The following STK36 variants were observed in gnomAD, a reference collection of about 807,000 sequenced individuals.
The protein encoded by STK36 is serine/threonine kinase 36.
A neutral mutation model predicts 142.2 loss-of-function variants in STK36; 116 were observed. The ratio of observed to expected loss-of-function variants is 0.82; its 90% CI spans 0.70 to 0.95. STK36 has a LOEUF of 0.95. Among genes scored for constraint, STK36 ranks in the 40% least tolerant of loss-of-function variants. The pLI, the probability that STK36 is intolerant of heterozygous loss-of-function variation, is 0.00. For synonymous variants in STK36, 619 were observed against 641.7 expected (o/e 0.96, Z 0.53); for missense variants, 1,422 against 1,617.2 (o/e 0.88, Z 2.07).
At chr2:218,700,268 A>G (rs1427926846) in intron 26 of STK36, among the ~76,000 whole-genome samples, 1 of 152,030 alleles carries the variant, frequency 6.6e-6, no homozygotes, top group Non-Finnish European at 1.5e-5. Context: ...CAGTGGCGCA[A>G]TCTCAGCTCA....
At chr2:218,677,680 T>A (rs1940317393) in intron 6 of STK36, among the ~76,000 whole-genome samples, 1 of 152,226 alleles carries the variant, frequency 6.6e-6, no homozygotes, top group South Asian at 2.1e-4. Context: ...TGGTGAGAGC[T>A]GGTGGAGCTG....
Position 218,698,530 on chromosome 2 carries a change from C to A in STK36, c.3058-72C>A, listed in dbSNP as rs571560205. The A allele has an allele frequency of 7.9e-5, 122 of 1,538,892 alleles. 1 individual carries two copies. In the East Asian group the frequency reaches 2.6e-3, roughly 33 times the overall value. On this transcript the variant is annotated intron_variant, in intron 25 of 26. Coordinates refer to ENST00000295709, the MANE Select transcript of STK36 (RefSeq NM_015690.5). Reference sequence around the variant, plus strand: ...ACCATAGCTTGGCTTTTCTCTCTCCCAGGTTTTGGGCTTCTTTATAGCTGC... The same window carrying A: ...ACCATAGCTTGGCTTTTCTCTCTCCAAGGTTTTGGGCTTCTTTATAGCTGC...
chr2:218,696,084 G>T (rs1316491432), intron 21 of STK36, among the ~76,000 whole-genome samples: 1 of 151,064 alleles, frequency 6.6e-6, no homozygotes, highest in African/African-American at 2.4e-5. Flanking sequence ...GGCTGGTCTG[G>T]AACTCCTGAC....
intron 13 of STK36, 61 bp from the exon 14 acceptor site, chr2:218,690,389 T>C: frequency 7.1e-7 from 1 of 1,402,332 alleles, no homozygotes; most frequent in Non-Finnish European, 1.0e-6. Context: ...ACTGACCCAT[T>C]CACCACATCC....
At chr2:218,676,368 G>T (rs1392226780) in intron 6 of STK36, 90 bp downstream of exon 6, 2 of 1,508,644 alleles carry the variant, frequency 1.3e-6, no homozygotes, top group South Asian at 2.6e-5. Context: ...TTCCAGAGCT[G>T]AGGCGGGACT....
intron 21 of STK36, among the ~76,000 whole-genome samples, chr2:218,695,557 G>A (rs1941201699): frequency 2.0e-5 from 2 of 100,778 alleles, no homozygotes; most frequent in African/African-American, 5.2e-5. Context: ...TTTTTGAGAC[G>A]GAGTCTTATT....
At chr2:218,680,499 G>A (rs1940467872) in intron 9 of STK36, 104 bp from the exon 10 acceptor site, 2 of 924,810 alleles carry the variant, frequency 2.2e-6, no homozygotes, top group South Asian at 3.1e-5. Context: ...ATCCTATATG[G>A]CTTCTTTCTC....
Position 218,676,231 on chromosome 2 carries a change from C to G in STK36, c.637C>G (p.Leu213Val). Residue 213 changes from leucine (L) to valine (V), a missense_variant, in exon 6 of 27, where the codon CTC (leucine) becomes GTC (valine). By Grantham distance (32) the Leu-to-Val change is conservative. Around this residue, in one of 2 missense-constraint regions of STK36, gnomAD observed 460 missense variants for 449.6 expected, o/e 1.02. Transcript: ENST00000295709. ...TSIFQLVSLI[L>V]KDPVRWPSTI... ...CATCTTTCAGCTGGTCAGCCTCATTCTCAAGGACCCTGTGCGCTGGCCCTC... is the reference window on the plus strand; with the variant it reads ...CATCTTTCAGCTGGTCAGCCTCATTGTCAAGGACCCTGTGCGCTGGCCCTC... 1 of 1,614,220 alleles carries G rather than the reference C, an allele frequency of 6.2e-7. No homozygotes were observed. The highest frequency in any genetic ancestry group is 1.3e-5 in the African/African-American group (1 of 75,058).
chr2:218,689,206 G>A (rs1041022919), intron 12 of STK36, among the ~76,000 whole-genome samples: 10 of 152,234 alleles, frequency 6.6e-5, no homozygotes, highest in Middle Eastern at 6.8e-3. Flanking sequence ...GAGAAAACTA[G>A]CCAGATCTTC....
chr2:218,688,836 G>A lies in STK36; in HGVS notation c.1520G>A (p.Ser507Asn). The change falls in exon 12 of 27, where the codon AGT becomes AAT. Residue 507 changes from serine to asparagine, a missense_variant. Physicochemically the swap from Ser to Asn is conservative, Grantham distance 46. This residue lies in a region of STK36 where 962 missense variants were observed against 1,167.5 expected (regional missense o/e 0.82). Transcript: ENST00000295709. ...GCAGGGCTTCCTGGGCTGCTGCTGA[G>A]TCTACTCAGGCACAGTCAGGAGAGC... ...REAGLPGLLLSLLRHSQESNS... is the reference protein window; with the variant it reads ...REAGLPGLLLNLLRHSQESNS... 1 of 1,613,282 alleles carries A rather than the reference G, an allele frequency of 6.2e-7. No homozygotes were observed. Among genetic ancestry groups the A allele is most frequent in the Non-Finnish European group, 8.5e-7 (1 of 1,179,908 alleles).
intron 2 of STK36, chr2:218,673,328 A>ATT: frequency 1.3e-5 from 5 of 392,806 alleles, no homozygotes; most frequent in East Asian, 4.4e-5. Context: ...TTTCCTCTTC[A>ATT]TTTTTTTTTT....
rs1358956180 is a variant in STK36, at chr2:218,697,126, C to T, written c.2674C>T (p.Pro892Ser). 1 of 1,614,154 alleles carries T rather than the reference C, an allele frequency of 6.2e-7. No homozygotes were observed. The highest frequency in any genetic ancestry group is 8.5e-7 in the Non-Finnish European group (1 of 1,180,028). ...WHRFSMVLRLPEEASAQEGEL... is the reference protein window; with the variant it reads ...WHRFSMVLRLSEEASAQEGEL... ...CCGCTTCTCCATGGTCCTGAGGCTC[C>T]CCGAGGAGGCATCTGCACAGGAAGG... Residue 892 changes from proline (P) to serine (S), a missense_variant, in exon 23 of 27, where the codon CCC (proline) becomes TCC (serine). Physicochemically the swap from Pro to Ser is moderately conservative, Grantham distance 74 (BLOSUM62 -1). Transcript: ENST00000295709.
At chr2:218,679,509 C>A in intron 7 of STK36, 51 bp from the exon 8 acceptor site, 1 of 1,579,588 alleles carries the variant, frequency 6.3e-7, no homozygotes, top group South Asian at 1.2e-5. Context: ...CAAGTGGACA[C>A]AGGGACTATG....
chr2:218,673,882 G>A lies in STK36; in HGVS notation c.229G>A (p.Val77Met), dbSNP rs561999513. 2 of 1,614,186 alleles carry A rather than the reference G, an allele frequency of 1.2e-6. No individual in the cohort carries two copies. Among genetic ancestry groups the A allele is most frequent in the African/African-American group, 1.3e-5 (1 of 75,046 alleles). ...TGCCACTGCCTTCTCTCTGTAGGTG[G>A]TGGTGGTGACAGACTATGCTGAGGG... ...LDSFETDKEVVVVTDYAEGEL... is the reference protein window; with the variant it reads ...LDSFETDKEVMVVTDYAEGEL... Residue 77 changes from valine (V) to methionine (M), a missense_variant, in exon 4 of 27, where the codon GTG (valine) becomes ATG (methionine). Around this residue, in one of 2 missense-constraint regions of STK36, gnomAD observed 460 missense variants for 449.6 expected, o/e 1.02. Coordinates refer to ENST00000295709, the MANE Select transcript of STK36 (RefSeq NM_015690.5).
intron 6 of STK36, among the ~76,000 whole-genome samples, chr2:218,678,221 A>G (rs532431122): frequency 1.3e-5 from 2 of 152,278 alleles, no homozygotes; most frequent in African/African-American, 4.8e-5. Flanking sequence ...AAGAGTTAGG[A>G]TTACAAGCAT....
intron 14 of STK36, among the ~76,000 whole-genome samples, chr2:218,691,370 C>T (rs1225603290): frequency 6.6e-6 from 1 of 152,116 alleles, no homozygotes; most frequent in East Asian, 1.9e-4. Context: ...TATCCCTCAC[C>T]CTTTCAAGTC....
chr2:218,692,708 C>G lies in STK36; in HGVS notation c.2041C>G (p.Gln681Glu), dbSNP rs780337920. Residue 681 changes from glutamine (Q) to glutamate (E), a missense_variant and splice_region_variant, in exon 16 of 27, where the codon CAG becomes GAG. Physicochemically the swap from Gln to Glu is conservative, Grantham distance 29. Around this residue, in one of 2 missense-constraint regions of STK36, gnomAD observed 962 missense variants for 1,167.5 expected, o/e 0.82. Transcript: ENST00000295709. ...GLPDCWDAKE[Q>E]VCWHLANQLT... ...GCCCGACTGCTGGGATGCCAAGGAG[C>G]AGGTCCGAGCTACAATTGGTTGTTC... The G allele has an allele frequency of 1.2e-6, 2 of 1,611,568 alleles. No individual in the cohort carries two copies. Among genetic ancestry groups the G allele is most frequent in the Middle Eastern group, 1.7e-4 (1 of 5,874 alleles).
At chr2:218,688,653 C>G in intron 11 of STK36, 44 bp from the exon 12 acceptor site, 3 of 1,587,508 alleles carry the variant, frequency 1.9e-6, no homozygotes, top group Admixed American at 3.5e-5. Context: ...CTTCTTTTAC[C>G]TCTGAAAATA....
At chr2:218,678,795 G>T (rs1243388204) in intron 6 of STK36, among the ~76,000 whole-genome samples, 1 of 152,158 alleles carries the variant, frequency 6.6e-6, no homozygotes, top group African/African-American at 2.4e-5. Flanking sequence ...TCAAAGGGAG[G>T]GCAGCGTGAA....
Sources: gnomAD v4.1 joint callset for allele counts (sites outside exome capture counted in the v4.1 genomes callset) on GRCh38, gnomAD v4.1.1 for gene constraint, gnomAD v4.1.1 regional missense constraint, MANE v1.5 for transcripts, NCBI Gene and HGNC (gene_info 2026-07-23, HGNC 2026-07-21) for gene names.